Variants in MYO1D observed in about 807,000 individuals in gnomAD.
MYO1D encodes unconventional myosin-Id.
MYO1D carries 83 observed loss-of-function variants against 122.0 expected under a neutral mutation model. The observed-to-expected ratio is 0.68, with a 90% CI of 0.57 to 0.82. MYO1D has a LOEUF of 0.82. MYO1D is among the 40% of genes least tolerant of loss of function. The pLI is 0.00. For missense variants in MYO1D, 1,157 were observed against 1,269.5 expected, an observed-to-expected ratio of 0.91 and a Z score of 1.35; for synonymous variants, 464 against 446.9, an observed-to-expected ratio of 1.04 and a Z score of -0.48.
At chr17:32,517,640 G>T (rs1172287980) in intron 21 of MYO1D, among the ~76,000 whole-genome samples, 1 of 152,098 alleles carries the variant, frequency 6.6e-6, no homozygotes, top group Non-Finnish European at 1.5e-5. Context: ...GCTTTAAACC[G>T]TTTAAGCATC....
intron 1 of MYO1D, among the ~76,000 whole-genome samples, chr17:32,870,330 T>G (rs1247461804): frequency 6.6e-6 from 1 of 152,186 alleles, no homozygotes; most frequent in African/African-American, 2.4e-5. Context: ...CTAGAGCTAT[T>G]TCTAACTAGA....
intron 1 of MYO1D, among the ~76,000 whole-genome samples, chr17:32,845,219 G>A (rs961849034): frequency 1.3e-5 from 2 of 151,932 alleles, no homozygotes; most frequent in Non-Finnish European, 2.9e-5. Context: ...TAAAAACTTC[G>A]TCTTCAATTT....
rs752330013 is a variant in MYO1D, at chr17:32,748,950, A to G, written c.1524T>C (p.Tyr508=). The stretch of plus-strand genomic sequence containing the variant: ...AAGATACTCACACTACATCGCCTGC[A>G]TAATGTCGAATTCGAAAATCTCGAT... ...EFDRDFRIRH[Y]AGDVVYSVIG... The change falls in exon 12 of 22, where the codon TAT becomes TAC. Residue 508 remains tyrosine (Y), a synonymous_variant. Transcript: ENST00000318217. 1.8e-5 allele frequency: 29 copies of G among 1,613,640 alleles called. No homozygotes were observed. Among genetic ancestry groups the G allele is most frequent in the Non-Finnish European group, 2.5e-5 (29 of 1,179,532 alleles).
chr17:32,583,361 T>C (rs191442056), intron 21 of MYO1D, among the ~76,000 whole-genome samples: 35 of 152,266 alleles, frequency 2.3e-4, no homozygotes, highest in Admixed American at 1.1e-3. Flanking sequence ...TCTTCATGAT[T>C]TTTTTTGTGC....
intron 21 of MYO1D, among the ~76,000 whole-genome samples, chr17:32,507,892 C>CG (rs1909552370): frequency 3.7e-5 from 4 of 109,320 alleles, no homozygotes; most frequent in African/African-American, 1.5e-4. Flanking sequence ...CCATGCTGGA[C>CG]TTTTTTTTTT....
chr17:32,721,861 G>A lies in MYO1D; in HGVS notation c.1747-672C>T, dbSNP rs2089516274. 3.3e-5 allele frequency among the ~76,000 whole-genome samples: 5 copies of A among 152,232 alleles called. No individual in the cohort carries two copies. The South Asian group carries it at 1.0e-3, about 32-fold the overall frequency. ...CCCTTTTAAATATAAAACCATGCTT[G>A]GCATAGATCCTGGTACACTGAAGAT... On this transcript the variant is annotated intron_variant, in intron 14 of 21. Coordinates refer to ENST00000318217, the MANE Select transcript of MYO1D (RefSeq NM_015194.3).
chr17:32,664,940 C>T (rs2640838), intron 16 of MYO1D, among the ~76,000 whole-genome samples: 107,395 of 151,954 alleles, frequency 0.71, 38,049 homozygotes, highest in Middle Eastern at 0.78. Flanking sequence ...TGTGGTCTGA[C>T]ACTGTCTCCT....
chr17:32,774,889 C>T (rs148084266), intron 4 of MYO1D, among the ~76,000 whole-genome samples: 2 of 152,172 alleles, frequency 1.3e-5, no homozygotes, highest in African/African-American at 2.4e-5. Flanking sequence ...GAAAACCTGT[C>T]GGCTTAGATC....
intron 20 of MYO1D, among the ~76,000 whole-genome samples, chr17:32,635,813 G>A (rs75914722): frequency 0.018 from 2,684 of 152,240 alleles, 41 homozygotes; most frequent in Non-Finnish European, 0.027. Flanking sequence ...GAAATGAAAG[G>A]TGGAGAATGA....
intron 12 of MYO1D, among the ~76,000 whole-genome samples, chr17:32,746,979 G>A (rs1403287507): frequency 6.6e-6 from 1 of 152,204 alleles, no homozygotes; most frequent in Admixed American, 6.6e-5. Flanking sequence ...TGAGTGGTAT[G>A]AAAGTACCCT....
At chr17:32,633,724 C>T (rs1471001533) in intron 20 of MYO1D, among the ~76,000 whole-genome samples, 1 of 151,940 alleles carries the variant, frequency 6.6e-6, no homozygotes, top group Non-Finnish European at 1.5e-5. Context: ...CCTCCCTGCT[C>T]GTGTCTCTGT....
At chr17:32,761,711 C>T (rs972844349) in intron 8 of MYO1D, among the ~76,000 whole-genome samples, 3 of 152,118 alleles carry the variant, frequency 2.0e-5, no homozygotes, top group South Asian at 4.2e-4. Flanking sequence ...GAGCTCCTGA[C>T]TCAAGAGCTT....
intron 1 of MYO1D, among the ~76,000 whole-genome samples, chr17:32,813,755 C>A (rs1163327741): frequency 6.6e-6 from 1 of 152,144 alleles, no homozygotes; most frequent in Non-Finnish European, 1.5e-5. Flanking sequence ...AAGACTGGAG[C>A]TATGGAGACC....
chr17:32,597,901 G>T (rs1024038717), intron 21 of MYO1D, among the ~76,000 whole-genome samples: 1 of 145,848 alleles, frequency 6.9e-6, no homozygotes, highest in South Asian at 2.2e-4. Context: ...AAGAAATCTC[G>T]TTTCAACTTC....
chr17:32,573,525 CTT>C (rs879532045), intron 21 of MYO1D, among the ~76,000 whole-genome samples: 4 of 145,158 alleles, frequency 2.8e-5, no homozygotes, highest in African/African-American at 2.5e-5. Context: ...TGTTTTTCTT[CTT>C]TTTTTTTTTT....
intron 16 of MYO1D, among the ~76,000 whole-genome samples, chr17:32,703,705 C>T (rs1289506259): frequency 6.6e-6 from 1 of 152,076 alleles, no homozygotes; most frequent in African/African-American, 2.4e-5. Flanking sequence ...TCCGAGACAA[C>T]AAAATATTTT....
intron 11 of MYO1D, among the ~76,000 whole-genome samples, chr17:32,752,388 A>C (rs1162510380): frequency 6.6e-6 from 1 of 152,208 alleles, no homozygotes; most frequent in Non-Finnish European, 1.5e-5. Context: ...TATGACCAAG[A>C]CCTCAAAAAC....
intron 1 of MYO1D, among the ~76,000 whole-genome samples, chr17:32,813,506 G>T (rs1471325367): frequency 6.6e-6 from 1 of 152,142 alleles, no homozygotes; most frequent in Non-Finnish European, 1.5e-5. Context: ...GAGGAGGAGT[G>T]GGAAAGAGTA....
chr17:32,664,732 A>T (rs1405105343), intron 16 of MYO1D, among the ~76,000 whole-genome samples: 2 of 152,154 alleles, frequency 1.3e-5, no homozygotes, highest in Non-Finnish European at 2.9e-5. Flanking sequence ...CTGACAGGGA[A>T]CGACTCAGGT....
Sources: allele counts gnomAD v4.1 joint callset (sites outside exome capture counted in the v4.1 genomes callset), GRCh38; gene constraint gnomAD v4.1.1; transcripts MANE v1.5; gene names NCBI Gene and HGNC (gene_info 2026-07-23, HGNC 2026-07-21).